IPO11: variants seen among roughly 807,000 people sequenced by gnomAD.
IPO11 encodes importin 11.
In IPO11, 66 loss-of-function variants were observed where a neutral mutation model predicts 143.2. The ratio of observed to expected loss-of-function variants is 0.46; its 90% CI spans 0.38 to 0.57. The LOEUF is 0.57. IPO11 is among the 20% of genes least tolerant of loss of function. The pLI, the probability that IPO11 is intolerant of heterozygous loss-of-function variation, is 0.00. For synonymous variants in IPO11, 385 were observed against 377.8 expected, an observed-to-expected ratio of 1.02 and a Z score of -0.22; for missense variants, 1,026 against 1,141.0, an observed-to-expected ratio of 0.90 and a Z score of 1.45.
chr5:62,594,397 C>T (rs569168814), intron 28 of IPO11, among the ~76,000 whole-genome samples: 1 of 152,276 alleles, frequency 6.6e-6, no homozygotes, highest in South Asian at 2.1e-4. Flanking sequence ...TTGTATTTCA[C>T]AAAGGTTACT....
intron 21 of IPO11, among the ~76,000 whole-genome samples, chr5:62,529,141 T>C (rs1742460514): frequency 6.6e-6 from 1 of 152,124 alleles, no homozygotes; most frequent in Non-Finnish European, 1.5e-5. Flanking sequence ...CTTTTAGCCT[T>C]TCTTCTATCT....
At chr5:62,479,295 G>C (rs184684813) in intron 9 of IPO11, among the ~76,000 whole-genome samples, 14 of 152,268 alleles carry the variant, frequency 9.2e-5, no homozygotes, top group Admixed American at 5.2e-4. Context: ...GCATAGTATT[G>C]CATGGTGTAT....
At chr5:62,620,159 A>G (rs982227748) in intron 29 of IPO11, among the ~76,000 whole-genome samples, 4 of 152,182 alleles carry the variant, frequency 2.6e-5, no homozygotes, top group African/African-American at 4.8e-5. Context: ...ACATGTGCCC[A>G]AGGTGGTTGG....
intron 5 of IPO11, among the ~76,000 whole-genome samples, chr5:62,460,067 A>G (rs1440658726): frequency 2.0e-5 from 3 of 152,210 alleles, no homozygotes; most frequent in Non-Finnish European, 2.9e-5. Context: ...AGGAATTTAA[A>G]TATTTTTTTA....
intron 24 of IPO11, among the ~76,000 whole-genome samples, chr5:62,539,187 A>T (rs1031960945): frequency 8.5e-5 from 13 of 152,290 alleles, no homozygotes; most frequent in South Asian, 4.1e-4. Context: ...TTATATAATT[A>T]AAAAAATCAG....
rs139881013 is a variant in IPO11 at position 62,607,062 on chromosome 5, C to A, written c.2763+5214C>A. Among the ~76,000 whole-genome samples the A allele has an allele frequency of 8.3e-4, 126 of 152,294 alleles. 1 individual carries two copies. Among genetic ancestry groups the A allele is most frequent in the Middle Eastern group, 3.4e-3 (1 of 292 alleles). Reference sequence around the variant, plus strand: ...CTCAAGGATGGAGAACAGTGCTGCACTGTGAGGATGGAATTGTCCTGCAAT... The same window carrying A: ...CTCAAGGATGGAGAACAGTGCTGCAATGTGAGGATGGAATTGTCCTGCAAT... On this transcript the variant is annotated intron_variant, in intron 29 of 29. Transcript: ENST00000325324.
chr5:62,604,156 C>G (rs905785148), intron 29 of IPO11, among the ~76,000 whole-genome samples: 2 of 152,154 alleles, frequency 1.3e-5, no homozygotes, highest in Non-Finnish European at 1.5e-5. Flanking sequence ...CAATGCATGA[C>G]TATATATCTC....
At chr5:62,491,667 T>G (rs571731821) in intron 15 of IPO11, among the ~76,000 whole-genome samples, 1 of 129,644 alleles carries the variant, frequency 7.7e-6, no homozygotes, top group African/African-American at 3.3e-5. Context: ...TATTAATAAG[T>G]TTTTTTTTTT....
intron 27 of IPO11, among the ~76,000 whole-genome samples, chr5:62,578,451 T>C (rs1580344769): frequency 1.3e-5 from 2 of 152,252 alleles, no homozygotes; most frequent in South Asian, 2.1e-4. Context: ...TTACTCGATA[T>C]ACATCTTATT....
At chr5:62,452,075 C>T in intron 5 of IPO11, 142 bp downstream of exon 5, 1 of 638,240 alleles carries the variant, frequency 1.6e-6, no homozygotes, top group Non-Finnish European at 2.7e-6. Context: ...GAAACCCCAT[C>T]TCTACTAAAA....
chr5:62,417,858 A>G (rs748108334), intron 1 of IPO11, among the ~76,000 whole-genome samples: 53 of 152,180 alleles, frequency 3.5e-4, no homozygotes, highest in Non-Finnish European at 6.2e-4. Flanking sequence ...TTTTCCTCCT[A>G]TGAGCCATGC....
chr5:62,488,941 T>C (rs1284755607), intron 13 of IPO11, among the ~76,000 whole-genome samples: 1 of 152,178 alleles, frequency 6.6e-6, no homozygotes, highest in Non-Finnish European at 1.5e-5. Flanking sequence ...AGGATGAGGC[T>C]GCAGTGAACT....
chr5:62,614,993 G>A (rs754183889), intron 29 of IPO11, among the ~76,000 whole-genome samples: 11 of 152,092 alleles, frequency 7.2e-5, no homozygotes, highest in Non-Finnish European at 1.6e-4. Context: ...CACCCCAGCC[G>A]AACTCCTATT....
At chr5:62,624,253 C>G (rs1746478232) in intron 29 of IPO11, among the ~76,000 whole-genome samples, 1 of 152,034 alleles carries the variant, frequency 6.6e-6, no homozygotes, top group Non-Finnish European at 1.5e-5. Context: ...AGGCTGGTCT[C>G]AAACTCCTGA....
chr5:62,461,348 A>ATATT (rs1745350598), intron 5 of IPO11, among the ~76,000 whole-genome samples: 1 of 152,228 alleles, frequency 6.6e-6, no homozygotes, highest in Non-Finnish European at 1.5e-5. Flanking sequence ...ACCTGATGAG[A>ATATT]TATTGATGAT....
intron 27 of IPO11, among the ~76,000 whole-genome samples, chr5:62,565,787 C>T (rs182901227): frequency 6.7e-6 from 1 of 148,980 alleles, no homozygotes; most frequent in Non-Finnish European, 1.5e-5. Flanking sequence ...TCACCCCCTA[C>T]CCCCCCAACT....
At chr5:62,554,437 C>G (rs1182087728) in intron 26 of IPO11, among the ~76,000 whole-genome samples, 1 of 152,042 alleles carries the variant, frequency 6.6e-6, no homozygotes, top group Non-Finnish European at 1.5e-5. Context: ...TTTAGTTCAT[C>G]TAGAGTTGAT....
chr5:62,613,804 T>G (rs1455414356), intron 29 of IPO11, among the ~76,000 whole-genome samples: 1 of 152,060 alleles, frequency 6.6e-6, no homozygotes. Context: ...AGCCCATAAA[T>G]CCATAAGAAG....
rs1391650013 is a variant in IPO11, at chr5:62,628,520, A to G, written c.*1202A>G. 3 of 152,638 alleles carry G rather than the reference A, an allele frequency of 2.0e-5. No individual in the cohort carries two copies. 9.5% of individuals were successfully genotyped at this position (152,638 alleles called of 1,614,324 possible). A position where few individuals can be genotyped will look rare whatever the true frequency, so the allele number is the denominator to read the frequency against. ...TGTGGAACCCAAACTGTATGGGGAT[A>G]TTTGATGTTTTCAGAAAGAGGAAGA... On this transcript the variant is annotated 3_prime_UTR_variant, in exon 30 of 30. Transcript: ENST00000325324.
Sources: allele counts gnomAD v4.1 joint callset (sites outside exome capture counted in the v4.1 genomes callset), GRCh38; gene constraint gnomAD v4.1.1; transcripts MANE v1.5; gene names NCBI Gene and HGNC (gene_info 2026-07-23, HGNC 2026-07-21).